R3HDM2: variants seen among roughly 807,000 people sequenced by gnomAD.
R3HDM2 encodes the protein R3H domain containing 2.
In R3HDM2, 38 loss-of-function variants were observed where a neutral mutation model predicts 124.5. That is an observed-to-expected ratio of 0.31 (90% CI 0.24 to 0.40). The LOEUF (loss-of-function observed/expected upper bound fraction) is 0.40. R3HDM2 is among the 10% of genes least tolerant of loss of function. The probability of loss-of-function intolerance (pLI) is 1.00; values close to 1 mark genes in which losing one functional copy is unlikely to be tolerated. For missense variants in R3HDM2, 869 were observed against 1,236.9 expected (o/e 0.70, Z 4.46); for synonymous variants, 391 against 448.0 (o/e 0.87, Z 1.61).
chr12:57,407,619 C>A (rs576148935), intron 1 of R3HDM2, among the ~76,000 whole-genome samples: 1 of 151,962 alleles, frequency 6.6e-6, no homozygotes, highest in African/African-American at 2.4e-5. Flanking sequence ...CTTGGCCAGG[C>A]TGGTCTTGAA....
intron 2 of R3HDM2, among the ~76,000 whole-genome samples, chr12:57,314,188 CA>C (rs932108667): frequency 2.3e-4 from 29 of 126,380 alleles, no homozygotes; most frequent in Admixed American, 2.4e-4. Flanking sequence ...AAATCCATCT[CA>C]AAAAAAAAAA....
chr12:57,349,619 G>A (rs2060477086), intron 2 of R3HDM2, among the ~76,000 whole-genome samples: 1 of 149,600 alleles, frequency 6.7e-6, no homozygotes, highest in Non-Finnish European at 1.5e-5. Context: ...GGAGTGCAGT[G>A]GCACGATCTC....
At chr12:57,377,467 C>G (rs890859772) in intron 2 of R3HDM2, among the ~76,000 whole-genome samples, 2 of 152,054 alleles carry the variant, frequency 1.3e-5, no homozygotes, top group Non-Finnish European at 2.9e-5. Context: ...TAACTGGGTA[C>G]TGCCAAGGAC....
intron 1 of R3HDM2, among the ~76,000 whole-genome samples, chr12:57,426,731 A>C (rs990337060): frequency 5.3e-5 from 8 of 152,168 alleles, no homozygotes; most frequent in Non-Finnish European, 8.8e-5. Context: ...GAGTATTTTC[A>C]TTCAATGGCC....
chr12:57,296,371 T>C lies in R3HDM2; in HGVS notation c.701+40A>G. The C allele has an allele frequency of 6.5e-7, 1 of 1,549,096 alleles. No homozygotes were observed. Among genetic ancestry groups the C allele is most frequent in the South Asian group, 1.2e-5 (1 of 83,934 alleles). ...CTTCCTCTTCCAACCCAGCAGGTTA[T>C]CCCAGGGAAGTCTTCCCAAACCATG... On this transcript the variant is annotated intron_variant, in intron 9 of 23. Coordinates refer to ENST00000402412, the MANE Select transcript of R3HDM2 (RefSeq NM_001394031.1). This position sits in a 1 kb window ranked among gnomAD's most constrained non-coding sequence, Gnocchi z 4.5.
At chr12:57,330,701 T>C (rs868105585) in intron 2 of R3HDM2, among the ~76,000 whole-genome samples, 10 of 137,664 alleles carry the variant, frequency 7.3e-5, no homozygotes, top group East Asian at 2.4e-4. Context: ...TTTCTTTTTT[T>C]TTTTTTTTTT....
chr12:57,282,204 G>A (rs918181751), intron 13 of R3HDM2, among the ~76,000 whole-genome samples: 9 of 151,648 alleles, frequency 5.9e-5, no homozygotes, highest in African/African-American at 2.2e-4. Flanking sequence ...ACAGCTACTC[G>A]AAAGGCTGAG....
chr12:57,331,136 T>C (rs909553034), intron 2 of R3HDM2, among the ~76,000 whole-genome samples: 1 of 152,210 alleles, frequency 6.6e-6, no homozygotes, highest in Non-Finnish European at 1.5e-5. Flanking sequence ...GCGGAATGAC[T>C]GCAACATCCC....
intron 2 of R3HDM2, among the ~76,000 whole-genome samples, chr12:57,371,420 T>C (rs1390749912): frequency 6.6e-6 from 1 of 151,918 alleles, no homozygotes; most frequent in Non-Finnish European, 1.5e-5. Context: ...GTAAGAAATA[T>C]CATTCAAGAT....
At chr12:57,356,490 C>A (rs895711946) in intron 2 of R3HDM2, among the ~76,000 whole-genome samples, 1 of 152,174 alleles carries the variant, frequency 6.6e-6, no homozygotes, top group East Asian at 1.9e-4. Flanking sequence ...CTTTAATTTA[C>A]TAAAACTTTG....
At chr12:57,345,454 T>C (rs2059987863) in intron 2 of R3HDM2, among the ~76,000 whole-genome samples, 1 of 151,610 alleles carries the variant, frequency 6.6e-6, no homozygotes, top group South Asian at 2.1e-4. Flanking sequence ...AATGATGCAT[T>C]CGTTATTAAG....
chr12:57,429,612 C>G (rs766018273), intron 1 of R3HDM2, among the ~76,000 whole-genome samples: 11 of 152,036 alleles, frequency 7.2e-5, no homozygotes, highest in Non-Finnish European at 1.5e-4. Flanking sequence ...ACTTGGGGGA[C>G]TGAGGTAGGA....
chr12:57,270,504 A>C (rs1565893283), intron 14 of R3HDM2, among the ~76,000 whole-genome samples: 1 of 151,938 alleles, frequency 6.6e-6, no homozygotes, highest in Non-Finnish European at 1.5e-5. Flanking sequence ...GTCTCGGCTC[A>C]CTGCAACCTC....
intron 21 of R3HDM2, 80 bp from the exon 22 acceptor site, chr12:57,256,591 G>C (rs935838901): frequency 5.7e-6 from 6 of 1,053,356 alleles, no homozygotes; most frequent in African/African-American, 3.2e-5. Flanking sequence ...GGGCTTTGGA[G>C]ACAGCAACAA....
intron 2 of R3HDM2, among the ~76,000 whole-genome samples, chr12:57,319,994 A>T (rs1364248392): frequency 6.6e-6 from 1 of 152,122 alleles, no homozygotes; most frequent in Non-Finnish European, 1.5e-5. Flanking sequence ...GGCTGGGCGT[A>T]GTGGCTCACG....
rs765738927 is a variant in R3HDM2 at position 57,255,133 on chromosome 12, G to T, written c.2633-20C>A. On this transcript the variant is annotated intron_variant, in intron 23 of 23. Transcript: ENST00000402412. Reference sequence around the variant, plus strand: ...CCAGGACTGGAAGGGGAGGAGAGAGGACATGGTTGTGAGAGGAATAGGACA... The same window carrying T: ...CCAGGACTGGAAGGGGAGGAGAGAGTACATGGTTGTGAGAGGAATAGGACA... 6.4e-7 allele frequency: 1 copy of T among 1,553,222 alleles called. No homozygotes were observed.
intron 2 of R3HDM2, chr12:57,341,299 T>C: frequency 1.7e-6 from 1 of 604,532 alleles, no homozygotes; most frequent in Non-Finnish European, 2.1e-6. Flanking sequence ...AACAAAATTA[T>C]AGCACCTTTA....
chr12:57,309,282 A>C (rs895455127), intron 3 of R3HDM2, among the ~76,000 whole-genome samples: 1 of 152,214 alleles, frequency 6.6e-6, no homozygotes, highest in Non-Finnish European at 1.5e-5. Flanking sequence ...TAATAAAACC[A>C]GTTTTCACCC....
intron 13 of R3HDM2, among the ~76,000 whole-genome samples, chr12:57,282,701 G>A (rs2046454229): frequency 6.6e-6 from 1 of 152,054 alleles, no homozygotes; most frequent in Non-Finnish European, 1.5e-5. Flanking sequence ...TGAGAATGGA[G>A]TAGAGATATC....
Sources: allele counts gnomAD v4.1 joint callset (sites outside exome capture counted in the v4.1 genomes callset), GRCh38; gene constraint gnomAD v4.1.1; non-coding constraint Gnocchi (gnomAD v3.1); transcripts MANE v1.5; gene names NCBI Gene and HGNC (gene_info 2026-07-23, HGNC 2026-07-21).